FANCD2: variants seen among roughly 807,000 people sequenced by gnomAD.
FANCD2 encodes FA complementation group D2.
Under a neutral mutation model 192.3 loss-of-function variants are expected in FANCD2, and 131 were observed. The observed-to-expected ratio is 0.68, with a 90% confidence interval of 0.59 to 0.79. The LOEUF (loss-of-function observed/expected upper bound fraction) is 0.79, where lower values mean the gene tolerates loss of function less well. Among genes scored for constraint, FANCD2 ranks in the 30% least tolerant of loss-of-function variants. FANCD2 has a pLI of 0.00. For missense variants in FANCD2, 1,508 were observed against 1,701.6 expected (o/e 0.89, Z 2.00); for synonymous variants, 524 against 612.5 (o/e 0.86, Z 2.13).
intron 43 of FANCD2, among the ~76,000 whole-genome samples, chr3:10,100,719 C>G (rs147492720): frequency 6.6e-6 from 1 of 152,296 alleles, no homozygotes; most frequent in East Asian, 1.9e-4. Context: ...CGAATGCCCT[C>G]TTTGTTCCTA....
chr3:10,088,670 A>G, intron 35 of FANCD2, 128 bp downstream of exon 35: 1 of 1,092,612 alleles, frequency 9.2e-7, no homozygotes, highest in Non-Finnish European at 1.4e-6. Context: ...TTAAAAATGA[A>G]CACAATTTGG....
intron 38 of FANCD2, among the ~76,000 whole-genome samples, chr3:10,092,807 G>T (rs6807846): frequency 0.23 from 34,468 of 147,810 alleles, 5,027 homozygotes; most frequent in African/African-American, 0.43. Flanking sequence ...TCTTCCCACT[G>T]AAGCCTCTGG....
At chr3:10,057,590 C>G (rs886230397) in intron 18 of FANCD2, among the ~76,000 whole-genome samples, 26 of 152,248 alleles carry the variant, frequency 1.7e-4, no homozygotes, top group Admixed American at 3.3e-4. Context: ...ATCTCAATCT[C>G]TTAACCTCAT....
chr3:10,049,087 T>C (rs1476843079), intron 16 of FANCD2, among the ~76,000 whole-genome samples: 3 of 152,228 alleles, frequency 2.0e-5, no homozygotes, highest in East Asian at 3.9e-4. Flanking sequence ...TTAACCCATA[T>C]GGGAAAAAGA....
intron 42 of FANCD2, 152 bp from the exon 43 acceptor site, chr3:10,098,568 T>C (rs1428753685): frequency 6.9e-6 from 6 of 873,918 alleles, no homozygotes; most frequent in Non-Finnish European, 1.1e-5. Context: ...ATCCCTCCTC[T>C]AGATGCTGAA....
At chr3:10,041,534 A>C in intron 9 of FANCD2, 89 bp from the exon 10 acceptor site, 1 of 932,550 alleles carries the variant, frequency 1.1e-6, no homozygotes, top group South Asian at 1.3e-5. Context: ...CTTTATTTTC[A>C]TACTCTAATA....
intron 19 of FANCD2, among the ~76,000 whole-genome samples, 181 bp downstream of exon 19, chr3:10,060,584 G>C (rs1360412360): frequency 6.6e-6 from 1 of 152,140 alleles, no homozygotes; most frequent in Non-Finnish European, 1.5e-5. Flanking sequence ...TATATGTTTT[G>C]CTGGAATGTG....
chr3:10,038,083 T>C (rs1417682077), intron 7 of FANCD2, among the ~76,000 whole-genome samples: 3 of 152,166 alleles, frequency 2.0e-5, no homozygotes, highest in Non-Finnish European at 2.9e-5. Flanking sequence ...CTCTGCCTCC[T>C]GGGTTCAAGT....
chr3:10,062,355 C>T, intron 20 of FANCD2, 144 bp downstream of exon 20: 2 of 674,570 alleles, frequency 3.0e-6, no homozygotes, highest in East Asian at 2.9e-5. Context: ...ATTCTCCTGC[C>T]TCAGCCTCCA....
At position 10,098,857 on chromosome 3, in the gene FANCD2, C is replaced by T. The variant is rs1415649585; in HGVS notation, c.4281+42C>T. On this transcript the variant is annotated intron_variant, in intron 43 of 43. Transcript: ENST00000675286. Reference sequence around the variant, plus strand: ...CACCAGAGTCTGGCACTGATGGTTGCATTTTGTTAATTGTTCTAAGTTGGT... The same window carrying T: ...CACCAGAGTCTGGCACTGATGGTTGTATTTTGTTAATTGTTCTAAGTTGGT... 1.2e-6 allele frequency: 2 copies of T among 1,614,194 alleles called. No homozygotes were observed. Among genetic ancestry groups the T allele is most frequent in the East Asian group, 2.2e-5 (1 of 44,888 alleles).
Position 10,088,863 on chromosome 3 carries a change from C to T in FANCD2, c.3596C>T (p.Ala1199Val), listed in dbSNP as rs778303459. The change falls in exon 36 of 44, where the codon GCC becomes GTC. Residue 1199 changes from alanine (A) to valine (V), a missense_variant. This residue lies in a region of FANCD2 where 796 missense variants were observed against 879.4 expected (regional missense o/e 0.91). Coordinates refer to ENST00000675286, the MANE Select transcript of FANCD2 (RefSeq NM_001018115.3). ...GAGCACACAGAGAGCATTCTGAAGG[C>T]CATAGAGGAGATTGCTGGTGTTGGT... ...YLEHTESILKAIEEIAGVGVP... is the reference protein window; with the variant it reads ...YLEHTESILKVIEEIAGVGVP... The T allele has an allele frequency of 9.3e-6, 15 of 1,613,980 alleles. No homozygotes were observed. In the South Asian group the frequency reaches 1.6e-4, roughly 18 times the overall value.
At chr3:10,086,347 C>T (rs187442408) in intron 33 of FANCD2, among the ~76,000 whole-genome samples, 1 of 152,246 alleles carries the variant, frequency 6.6e-6, no homozygotes, top group African/African-American at 2.4e-5. Context: ...AGGGAGGTGA[C>T]ATGATCTCAG....
At chr3:10,090,248 C>A in intron 36 of FANCD2, 44 bp from the exon 37 acceptor site, 2 of 1,399,856 alleles carry the variant, frequency 1.4e-6, no homozygotes, top group Non-Finnish European at 2.0e-6. Context: ...TAGTTCTAAG[C>A]AGTGCATCAT....
intron 26 of FANCD2, among the ~76,000 whole-genome samples, chr3:10,070,817 C>T (rs1217944970): frequency 2.0e-5 from 3 of 147,352 alleles, no homozygotes; most frequent in East Asian, 2.0e-4. Context: ...TCCTGTTGAT[C>T]GGTGACCTTA....
chr3:10,031,481 GAC>G (rs2086600566), intron 2 of FANCD2, among the ~76,000 whole-genome samples: 1 of 141,286 alleles, frequency 7.1e-6, no homozygotes, highest in Non-Finnish European at 1.5e-5. Context: ...CAGCCTGGGC[GAC>G]AGAGCAAGAC....
chr3:10,073,404 A>C, intron 28 of FANCD2, 42 bp downstream of exon 28: 1 of 1,376,200 alleles, frequency 7.3e-7, no homozygotes, highest in Admixed American at 1.7e-5. Context: ...GTGACATCCC[A>C]GTGAGATTAA....
intron 26 of FANCD2, among the ~76,000 whole-genome samples, chr3:10,071,820 C>G (rs1693265943): frequency 6.6e-6 from 1 of 151,822 alleles, no homozygotes; most frequent in Non-Finnish European, 1.5e-5. Context: ...AGTGCAGTGG[C>G]ACAGTCTCGG....
chr3:10,064,439 G>C lies in FANCD2; in HGVS notation c.2021+10G>C, dbSNP rs1331709428. 6.2e-7 allele frequency: 1 copy of C among 1,613,260 alleles called. No homozygotes were observed. Among genetic ancestry groups the C allele is most frequent in the African/African-American group, 1.3e-5 (1 of 74,876 alleles). On this transcript the variant is annotated intron_variant, in intron 22 of 43. Transcript: ENST00000675286. The stretch of plus-strand genomic sequence containing the variant: ...GTGTTGTTCCGGAAGGGTAGGTATT[G>C]TTTACCTGCTGGCTTGGTTGCACTG...
intron 18 of FANCD2, among the ~76,000 whole-genome samples, chr3:10,052,805 A>G (rs1485804859): frequency 5.3e-5 from 8 of 151,178 alleles, no homozygotes; most frequent in Non-Finnish European, 8.8e-5. Context: ...CATCAGAGAA[A>G]TGCAAATCAA....
Sources: gnomAD v4.1 joint callset for allele counts (sites outside exome capture counted in the v4.1 genomes callset) on GRCh38, gnomAD v4.1.1 for gene constraint, gnomAD v4.1.1 regional missense constraint, MANE v1.5 for transcripts, NCBI Gene and HGNC (gene_info 2026-07-23, HGNC 2026-07-21) for gene names.